Variants in CACTIN observed in about 807,000 individuals in gnomAD.
CACTIN encodes the protein cactin, spliceosome C complex subunit.
Under a neutral mutation model 84.9 loss-of-function variants are expected in CACTIN, and 20 were observed. The observed-to-expected ratio is 0.24, with a 90% CI of 0.17 to 0.34. The LOEUF is 0.34. CACTIN is among the 10% of genes least tolerant of loss of function. The pLI is 1.00. For synonymous variants in CACTIN, 549 were observed against 467.9 expected (o/e 1.17, Z -2.24); for missense variants, 897 against 1,117.2 (o/e 0.80, Z 2.81).
chr19:3,614,645 A>C (rs954782551), intron 6 of CACTIN, 56 bp from the exon 7 acceptor site: 104 of 1,447,380 alleles, frequency 7.2e-5, no homozygotes, highest in Non-Finnish European at 8.0e-5. Context: ...GTGCTCCTCC[A>C]CCCCATCAGG....
chr19:3,626,456 G>A (rs935562479), intron 1 of CACTIN, 140 bp downstream of exon 1: 4 of 978,450 alleles, frequency 4.1e-6, no homozygotes, highest in African/African-American at 3.4e-5. Flanking sequence ...AATTCCAACC[G>A]GTGGTCAATT....
At chr19:3,622,759 T>C (rs2033250370) in intron 2 of CACTIN, among the ~76,000 whole-genome samples, 1 of 152,214 alleles carries the variant, frequency 6.6e-6, no homozygotes, top group Non-Finnish European at 1.5e-5. Context: ...GTGTGACTGG[T>C]GGCTAAATGG....
rs767378726 is a variant in CACTIN, at chr19:3,626,772, C to A, written c.-10G>T. 2 of 1,380,808 alleles carry A rather than the reference C, an allele frequency of 1.4e-6. No individual in the cohort carries two copies. Among genetic ancestry groups the A allele is most frequent in the Non-Finnish European group, 9.4e-7 (1 of 1,065,754 alleles). The allele number at this position is 1,380,808 out of a possible 1,614,324, so 85.5% of individuals were successfully genotyped here. On this transcript the variant is annotated 5_prime_UTR_variant, in exon 1 of 10. Transcript: ENST00000429344. ...GTGTGTCCCGACCCATCGGCTGGGC[C>A]AGTGGCCGCGGCACCAACACCAATA...
intron 1 of CACTIN, 120 bp from the exon 2 acceptor site, chr19:3,624,282 C>G: frequency 1.1e-6 from 1 of 906,930 alleles, no homozygotes; most frequent in East Asian, 2.5e-5. Context: ...ACAGCAGTGA[C>G]CCAAATACCG....
intron 6 of CACTIN, among the ~76,000 whole-genome samples, chr19:3,617,334 G>A (rs1386882070): frequency 6.6e-6 from 1 of 152,232 alleles, no homozygotes; most frequent in Non-Finnish European, 1.5e-5. Context: ...TCCAGGACAG[G>A]GGCTCTGTGG....
chr19:3,620,355 A>G, intron 3 of CACTIN, 83 bp from the exon 4 acceptor site: 1 of 1,418,942 alleles, frequency 7.0e-7, no homozygotes, highest in Non-Finnish European at 9.6e-7. Context: ...ATGGGGGCCC[A>G]GCCTTCACCC....
intron 6 of CACTIN, chr19:3,614,840 G>A: frequency 1.8e-6 from 1 of 559,128 alleles, no homozygotes; most frequent in Non-Finnish European, 3.2e-6. Flanking sequence ...GGAGGCCCAG[G>A]CCCCCAGCGT....
At position 3,612,260 on chromosome 19, in the gene CACTIN, T is replaced by C; in HGVS notation, c.1940A>G (p.Asn647Ser). The C allele has an allele frequency of 6.2e-7, 1 of 1,613,224 alleles. No individual in the cohort carries two copies. Among genetic ancestry groups the C allele is most frequent in the Non-Finnish European group, 8.5e-7 (1 of 1,179,890 alleles). Residue 647 changes from asparagine (N) to serine (S), a missense_variant, in exon 10 of 10, where the codon AAC becomes AGC. Coordinates refer to ENST00000429344, the MANE Select transcript of CACTIN (RefSeq NM_001080543.2). Reference protein sequence around the residue: ...KYRPRKPRFFNRVHTGFEWNK... With the variant: ...KYRPRKPRFFSRVHTGFEWNK... Reference sequence around the variant, plus strand: ...CCACTCGAAGCCCGTGTGCACGCGGTTGAAGAAGCGCGGCTTGCGTGGCCG... The same window carrying C: ...CCACTCGAAGCCCGTGTGCACGCGGCTGAAGAAGCGCGGCTTGCGTGGCCG...
chr19:3,622,733 T>C (rs891733863), intron 2 of CACTIN, among the ~76,000 whole-genome samples: 2 of 152,186 alleles, frequency 1.3e-5, no homozygotes, highest in Admixed American at 6.5e-5. Context: ...ATAAGTTCTG[T>C]TGTCTTATGC....
chr19:3,626,686 C>T lies in CACTIN; in HGVS notation c.77G>A (p.Arg26Gln), dbSNP rs751376573. Residue 26 changes from arginine to glutamine, a missense_variant, in exon 1 of 10, where the codon CGA (arginine) becomes CAA (glutamine). Coordinates refer to ENST00000429344, the MANE Select transcript of CACTIN (RefSeq NM_001080543.2). ...CCGCCCATGGCTCCTGCTCCGACTT[C>T]GGCTCCCGCTCTGACTCTGCCGCCT... The part of the protein sequence containing the change: ...GRRRQSQSGS[R>Q]SRSRSHGRRN... 17 of 1,521,636 alleles carry T rather than the reference C, an allele frequency of 1.1e-5. No homozygotes were observed. Among genetic ancestry groups the T allele is most frequent in the African/African-American group, 1.4e-5 (1 of 69,948 alleles). The allele number at this position is 1,521,636 out of a possible 1,614,324, so 94.3% of individuals were successfully genotyped here. A position where few individuals can be genotyped will look rare whatever the true frequency, so the allele number is the denominator to read the frequency against.
Position 3,610,993 on chromosome 19 carries a change from G to A in CACTIN, c.*930C>T, listed in dbSNP as rs527955450. 1.8e-3 allele frequency: 813 copies of A among 456,466 alleles called. 13 individuals carry two copies. The highest frequency in any genetic ancestry group is 0.012 in the South Asian group (787 of 64,556). 28.3% of individuals were successfully genotyped at this position (456,466 alleles called of 1,614,324 possible). On this transcript the variant is annotated 3_prime_UTR_variant, in exon 10 of 10. Transcript: ENST00000429344. ...TGGCCTGAGAAAGGGGAGTGAGAAG[G>A]AGCCACTGTCCTGATATGGGCAAAA...
intron 6 of CACTIN, among the ~76,000 whole-genome samples, chr19:3,617,780 C>T (rs1428344492): frequency 6.6e-6 from 1 of 152,192 alleles, no homozygotes; most frequent in Non-Finnish European, 1.5e-5. Flanking sequence ...ACACCAAGAC[C>T]CTTAACGGAC....
chr19:3,613,015 C>T, intron 9 of CACTIN, 43 bp downstream of exon 9: 1 of 1,485,656 alleles, frequency 6.7e-7, no homozygotes, highest in Non-Finnish European at 9.0e-7. Context: ...GCCCCCAGCT[C>T]GCCCCACTGG....
rs2369189 is a variant in CACTIN at position 3,611,550 on chromosome 19, A to G, written c.*373T>C. The G allele has an allele frequency of 0.51, 186,476 of 366,238 alleles. 49,157 individuals carry two copies. Among genetic ancestry groups the G allele is most frequent in the Admixed American group, 0.59 (14,943 of 25,194 alleles). 22.7% of individuals were successfully genotyped at this position (366,238 alleles called of 1,614,324 possible). A position where few individuals can be genotyped will look rare whatever the true frequency, so the allele number is the denominator to read the frequency against. ...CTCCACAACACCCTGTGTGGCCGCC[A>G]CTTGGGGCAGGCCCTGTGGGCCCCA... On this transcript the variant is annotated 3_prime_UTR_variant, in exon 10 of 10. Coordinates refer to ENST00000429344, the MANE Select transcript of CACTIN (RefSeq NM_001080543.2).
At chr19:3,612,886 A>C in intron 9 of CACTIN, 172 bp downstream of exon 9, 1 of 828,728 alleles carries the variant, frequency 1.2e-6, no homozygotes, top group South Asian at 1.4e-5. Flanking sequence ...TGAATGAAGG[A>C]ACGCCCCAGT....
At position 3,611,594 on chromosome 19, in the gene CACTIN, CGGT is replaced by C; in HGVS notation, c.*326_*328del. 2.5e-6 allele frequency: 1 copy of C among 395,900 alleles called. No homozygotes were observed. Among genetic ancestry groups the C allele is most frequent in the Non-Finnish European group, 4.8e-6 (1 of 207,484 alleles). 24.5% of individuals were successfully genotyped at this position (395,900 alleles called of 1,614,324 possible). Reference sequence around the variant, plus strand: ...GGCCCCACCCAGCCTGGCTGAGGGGCGGTGGAGAGTGTCCGCCTGGACGGTGAG... The same window carrying C: ...GGCCCCACCCAGCCTGGCTGAGGGGCGGAGAGTGTCCGCCTGGACGGTGAG... On this transcript the variant is annotated 3_prime_UTR_variant, in exon 10 of 10. Transcript: ENST00000429344.
At chr19:3,623,490 C>A (rs1387771451) in intron 2 of CACTIN, among the ~76,000 whole-genome samples, 198 bp downstream of exon 2, 4 of 151,734 alleles carry the variant, frequency 2.6e-5, no homozygotes, top group African/African-American at 9.7e-5. Flanking sequence ...GATCACACCA[C>A]TTCACTCCAG....
chr19:3,620,471 G>A (rs1215793732), intron 3 of CACTIN, 199 bp from the exon 4 acceptor site: 2 of 740,274 alleles, frequency 2.7e-6, no homozygotes, highest in African/African-American at 1.7e-5. Flanking sequence ...CAGATCAGCT[G>A]GGGCCCTCTC....
chr19:3,625,771 G>A (rs965175274), intron 1 of CACTIN, among the ~76,000 whole-genome samples: 1 of 152,198 alleles, frequency 6.6e-6, no homozygotes, highest in Non-Finnish European at 1.5e-5. Context: ...AGTGAACTTG[G>A]CCCAGAGCGG....
Sources: allele counts gnomAD v4.1 joint callset (sites outside exome capture counted in the v4.1 genomes callset), GRCh38; gene constraint gnomAD v4.1.1; transcripts MANE v1.5; gene names NCBI Gene and HGNC (gene_info 2026-07-23, HGNC 2026-07-21).